Variants in SORCS3 observed in about 807,000 individuals in gnomAD.
SORCS3 encodes sortilin related VPS10 domain containing receptor 3, also known as VPS10 domain-containing receptor SorCS3.
SORCS3 carries 57 observed loss-of-function variants against 146.3 expected under a neutral mutation model. The observed-to-expected ratio is 0.39, with a 90% CI of 0.31 to 0.49. The LOEUF is 0.49. Ranked by LOEUF, SORCS3 falls within the 20% of genes least tolerant of loss-of-function variation. The pLI, the probability that SORCS3 is intolerant of heterozygous loss-of-function variation, is 0.92. For synonymous variants in SORCS3, 653 were observed against 618.5 expected (o/e 1.06, Z -0.83); for missense variants, 1,341 against 1,575.5 (o/e 0.85, Z 2.52).
intron 1 of SORCS3, among the ~76,000 whole-genome samples, chr10:104,727,282 A>C (rs1434358673): frequency 2.6e-5 from 4 of 152,174 alleles, no homozygotes; most frequent in Admixed American, 2.6e-4. Flanking sequence ...TGTTTTGTTG[A>C]TTGCAAAAGA....
chr10:104,734,275 C>A (rs557210071), intron 1 of SORCS3, among the ~76,000 whole-genome samples: 1 of 152,220 alleles, frequency 6.6e-6, no homozygotes, highest in Admixed American at 6.5e-5. Context: ...TATCTGTAGT[C>A]CCGCACATGT....
intron 16 of SORCS3, 102 bp downstream of exon 16, chr10:105,201,355 A>G (rs934649054): frequency 2.2e-6 from 3 of 1,372,968 alleles, no homozygotes; most frequent in Admixed American, 2.3e-5. Flanking sequence ...CATGACGCAG[A>G]GATAGGAGGT....
At chr10:105,021,082 C>A (rs1028509624) in intron 4 of SORCS3, among the ~76,000 whole-genome samples, 1 of 152,218 alleles carries the variant, frequency 6.6e-6, no homozygotes, top group African/African-American at 2.4e-5. Context: ...CATTGACTGG[C>A]ACTTGAGCCA....
chr10:104,784,800 ATTTC>A (rs935630727), intron 1 of SORCS3, among the ~76,000 whole-genome samples: 1 of 152,084 alleles, frequency 6.6e-6, no homozygotes, highest in African/African-American at 2.4e-5. Flanking sequence ...ATTGGGCCTT[ATTTC>A]TTTCTTTAAT....
chr10:105,249,400 A>G (rs995304686), intron 22 of SORCS3, among the ~76,000 whole-genome samples: 1 of 152,200 alleles, frequency 6.6e-6, no homozygotes, highest in Non-Finnish European at 1.5e-5. Flanking sequence ...GTTGGGGGAC[A>G]AGGCAGACAC....
chr10:104,930,411 A>T (rs1343523667), intron 3 of SORCS3, among the ~76,000 whole-genome samples: 1 of 152,214 alleles, frequency 6.6e-6, no homozygotes, highest in East Asian at 1.9e-4. Context: ...ACCCTCTAGA[A>T]CATCTCTTTA....
chr10:104,730,719 T>C (rs1293187261), intron 1 of SORCS3, among the ~76,000 whole-genome samples: 3 of 152,238 alleles, frequency 2.0e-5, no homozygotes, highest in East Asian at 1.9e-4. Context: ...AGGAAACTTA[T>C]AATCATGTTA....
intron 1 of SORCS3, among the ~76,000 whole-genome samples, chr10:104,811,466 T>C (rs952112616): frequency 7.2e-5 from 11 of 152,342 alleles, no homozygotes; most frequent in Admixed American, 5.2e-4. Flanking sequence ...TTCACACTTA[T>C]TTTACACAGG....
Position 105,252,806 on chromosome 10 carries a change from T to C in SORCS3, c.3137T>C (p.Ile1046Thr), listed in dbSNP as rs763322021. Reference sequence around the variant, plus strand: ...AGTGTCCCAGAGGACCAGATCCTCATTGCCGTGTTTCCTGGTCTCCCCACT... The same window carrying C: ...AGTGTCCCAGAGGACCAGATCCTCACTGCCGTGTTTCCTGGTCTCCCCACT... ...VTSVPEDQIL[I>T]AVFPGLPTSA... Residue 1046 changes from isoleucine (I) to threonine (T), a missense_variant, in exon 23 of 27, where the codon ATT becomes ACT. Transcript: ENST00000369701. 9.9e-6 allele frequency: 16 copies of C among 1,614,100 alleles called. No homozygotes were observed. The highest frequency in any genetic ancestry group is 1.3e-5 in the African/African-American group (1 of 75,036).
At chr10:104,790,855 A>G (rs2017488428) in intron 1 of SORCS3, among the ~76,000 whole-genome samples, 1 of 152,252 alleles carries the variant, frequency 6.6e-6, no homozygotes, top group South Asian at 2.1e-4. Context: ...AGCAATCACT[A>G]TTGAATGAAG....
intron 1 of SORCS3, among the ~76,000 whole-genome samples, chr10:104,717,282 T>A: frequency 7.3e-6 from 1 of 137,836 alleles, no homozygotes; most frequent in Non-Finnish European, 1.5e-5. Context: ...GGAGACCCTA[T>A]CTCTAAGAAA....
At chr10:104,724,382 G>T (rs1349619808) in intron 1 of SORCS3, among the ~76,000 whole-genome samples, 1 of 152,092 alleles carries the variant, frequency 6.6e-6, no homozygotes, top group Non-Finnish European at 1.5e-5. Flanking sequence ...TGGGTAACCC[G>T]ACCTTTCTCT....
rs199863178 is a variant in SORCS3 at position 104,966,956 on chromosome 10, GT to G, written c.796-10364del. 7.5e-3 allele frequency among the ~76,000 whole-genome samples: 1,040 copies of G among 138,956 alleles called. 4 individuals are homozygous for G. The highest frequency in any genetic ancestry group is 9.8e-3 in the Non-Finnish European group (621 of 63,308). 91.2% of individuals were successfully genotyped at this position (138,956 alleles called of 152,430 possible). On this transcript the variant is annotated intron_variant, in intron 3 of 26. Transcript: ENST00000369701. ...GAATTTCCTTCAGAAAGCATTACAAGTTTTTTTTTTTTTTTCAAAAGATACT... is the reference window on the plus strand; with the variant it reads ...GAATTTCCTTCAGAAAGCATTACAAGTTTTTTTTTTTTTTCAAAAGATACT...
intron 12 of SORCS3, among the ~76,000 whole-genome samples, chr10:105,165,524 C>T (rs1283344036): frequency 6.6e-6 from 1 of 152,120 alleles, no homozygotes; most frequent in East Asian, 1.9e-4. Context: ...TTAACAAGTA[C>T]TTACGAGACA....
chr10:104,921,930 A>G (rs1166327238), intron 3 of SORCS3, among the ~76,000 whole-genome samples: 1 of 152,192 alleles, frequency 6.6e-6, no homozygotes, highest in Non-Finnish European at 1.5e-5. Context: ...GGAATATTAC[A>G]TCCTGCATTC....
At chr10:104,820,087 C>T (rs1413026812) in intron 1 of SORCS3, among the ~76,000 whole-genome samples, 3 of 152,132 alleles carry the variant, frequency 2.0e-5, no homozygotes, top group Non-Finnish European at 4.4e-5. Flanking sequence ...GTCATGGTAA[C>T]TTCAGGGGTG....
intron 4 of SORCS3, among the ~76,000 whole-genome samples, chr10:105,024,431 A>G (rs980012604): frequency 4.6e-5 from 7 of 152,160 alleles, no homozygotes; most frequent in Non-Finnish European, 8.8e-5. Flanking sequence ...GCAGTCAGAC[A>G]AGGATGTAGG....
At chr10:105,058,277 A>G (rs2055459499) in intron 5 of SORCS3, among the ~76,000 whole-genome samples, 1 of 152,184 alleles carries the variant, frequency 6.6e-6, no homozygotes, top group Admixed American at 6.5e-5. Flanking sequence ...AGTGGGCTAA[A>G]AGCACTGGGG....
chr10:104,988,634 TA>T (rs1251271495), intron 4 of SORCS3, among the ~76,000 whole-genome samples: 1 of 152,238 alleles, frequency 6.6e-6, no homozygotes, highest in Non-Finnish European at 1.5e-5. Context: ...CTCAAATTTT[TA>T]AAGGAAGCTT....
Sources: allele counts gnomAD v4.1 joint callset (sites outside exome capture counted in the v4.1 genomes callset), GRCh38; gene constraint gnomAD v4.1.1; transcripts MANE v1.5; gene names NCBI Gene and HGNC (gene_info 2026-07-23, HGNC 2026-07-21).